The following GOLM2 variants were observed in gnomAD, a reference collection of about 807,000 sequenced individuals.
GOLM2 encodes golgi membrane protein 2.
A neutral mutation model predicts 55.9 loss-of-function variants in GOLM2; 26 were observed. The observed-to-expected ratio is 0.47, with a 90% confidence interval of 0.34 to 0.65. The LOEUF (loss-of-function observed/expected upper bound fraction) is 0.65. Among genes scored for constraint, GOLM2 ranks in the 30% least tolerant of loss-of-function variants. The pLI, the probability that GOLM2 is intolerant of heterozygous loss-of-function variation, is 0.01. For synonymous variants in GOLM2, 165 were observed against 194.6 expected (o/e 0.85, Z 1.27); for missense variants, 486 against 531.8 (o/e 0.91, Z 0.85).
intron 1 of GOLM2, among the ~76,000 whole-genome samples, chr15:44,318,481 G>A (rs900081878): frequency 6.6e-6 from 1 of 152,206 alleles, no homozygotes; most frequent in African/African-American, 2.4e-5. Flanking sequence ...GGCCGAGGTG[G>A]GTGGATCGCC....
intron 3 of GOLM2, among the ~76,000 whole-genome samples, 179 bp downstream of exon 3, chr15:44,328,966 T>C (rs1404953781): frequency 6.6e-6 from 1 of 152,254 alleles, no homozygotes; most frequent in Non-Finnish European, 1.5e-5. Flanking sequence ...CAGACTCTTT[T>C]ATTTTGATAA....
At chr15:44,340,383 C>A (rs907402080) in intron 6 of GOLM2, among the ~76,000 whole-genome samples, 1 of 152,074 alleles carries the variant, frequency 6.6e-6, no homozygotes. Context: ...ATCCTCCCAC[C>A]TCAGCCTTCT....
chr15:44,364,916 G>A (rs1040997853), intron 6 of GOLM2, among the ~76,000 whole-genome samples: 1 of 152,124 alleles, frequency 6.6e-6, no homozygotes, highest in Non-Finnish European at 1.5e-5. Flanking sequence ...TGGAACAAAA[G>A]CAATTTTTAT....
At chr15:44,394,186 C>T (rs1389340189) in intron 8 of GOLM2, among the ~76,000 whole-genome samples, 1 of 152,164 alleles carries the variant, frequency 6.6e-6, no homozygotes, top group Non-Finnish European at 1.5e-5. Flanking sequence ...ATTTATAAAG[C>T]AGAATATTTC....
chr15:44,305,111 C>T (rs575473343), intron 1 of GOLM2, among the ~76,000 whole-genome samples: 7 of 152,254 alleles, frequency 4.6e-5, no homozygotes, highest in African/African-American at 1.7e-4. Flanking sequence ...GGTGATCCTC[C>T]TATCTCAGCC....
chr15:44,343,506 G>A lies in GOLM2; in HGVS notation c.802+5189G>A, dbSNP rs1388506462. ...TGGTGTCCTATTAGCTATAGAGGCA[G>A]TAACCCCAAAGAGGAAGCAGAGAAA... On this transcript the variant is annotated intron_variant, in intron 6 of 9. Transcript: ENST00000299957. 2.0e-5 allele frequency among the ~76,000 whole-genome samples: 3 copies of A among 151,906 alleles called. No homozygotes were observed. The South Asian group carries it at 6.2e-4, about 32-fold the overall frequency.
chr15:44,406,968 G>A (rs1022097428), intron 9 of GOLM2: 1 of 151,290 alleles, frequency 6.6e-6, no homozygotes, highest in Non-Finnish European at 1.5e-5. Flanking sequence ...AATCATTGGG[G>A]TCAGCACTAC....
intron 2 of GOLM2, among the ~76,000 whole-genome samples, chr15:44,324,416 G>A (rs983166396): frequency 2.6e-5 from 4 of 152,108 alleles, no homozygotes; most frequent in African/African-American, 9.7e-5. Context: ...TTTTGGTTTT[G>A]AAGCTTGGGC....
At chr15:44,350,825 A>G (rs954363489) in intron 6 of GOLM2, among the ~76,000 whole-genome samples, 3 of 152,232 alleles carry the variant, frequency 2.0e-5, no homozygotes, top group Non-Finnish European at 4.4e-5. Context: ...TTCAGTATAC[A>G]TGACTCAATT....
chr15:44,373,607 A>G (rs2079344737), intron 6 of GOLM2, among the ~76,000 whole-genome samples: 1 of 151,074 alleles, frequency 6.6e-6, no homozygotes, highest in African/African-American at 2.4e-5. Context: ...TACAAAAATT[A>G]GCCGGGCGCG....
chr15:44,310,478 A>C (rs1017785291), intron 1 of GOLM2, among the ~76,000 whole-genome samples: 1 of 137,288 alleles, frequency 7.3e-6, no homozygotes, highest in African/African-American at 2.8e-5. Flanking sequence ...ATGTATATAT[A>C]TATATATATA....
At chr15:44,366,313 A>C (rs889405370) in intron 6 of GOLM2, among the ~76,000 whole-genome samples, 2 of 151,438 alleles carry the variant, frequency 1.3e-5, no homozygotes, top group Non-Finnish European at 2.9e-5. Flanking sequence ...AAAAAAAAAA[A>C]ACAAAACAAA....
intron 8 of GOLM2, among the ~76,000 whole-genome samples, chr15:44,386,977 C>A (rs1241036493): frequency 6.6e-6 from 1 of 152,018 alleles, no homozygotes; most frequent in African/African-American, 2.4e-5. Flanking sequence ...GAGTTTGATA[C>A]CAGCCTGGGC....
In GOLM2 at chr15:44,335,250, G is replaced by A. The variant is rs1167764867; in HGVS notation, c.577-2513G>A. ...TTTAACATTAGGGAAAACTGAGTAA[G>A]GGGTGATTACTTTTCTGTAAATCTA... On this transcript the variant is annotated intron_variant, in intron 4 of 9. Coordinates refer to ENST00000299957, the MANE Select transcript of GOLM2 (RefSeq NM_138423.4). Among the ~76,000 whole-genome samples, 6 of 152,070 alleles carry A rather than the reference G, an allele frequency of 3.9e-5. No individual in the cohort carries two copies. In the East Asian group the frequency reaches 1.2e-3, roughly 29 times the overall value.
At chr15:44,373,274 G>T (rs1270614124) in intron 6 of GOLM2, among the ~76,000 whole-genome samples, 1 of 151,794 alleles carries the variant, frequency 6.6e-6, no homozygotes, top group African/African-American at 2.4e-5. Flanking sequence ...TGGCTAACAC[G>T]GTGAAACCCC....
At chr15:44,373,111 T>A (rs1010734350) in intron 6 of GOLM2, among the ~76,000 whole-genome samples, 6 of 152,246 alleles carry the variant, frequency 3.9e-5, no homozygotes, top group Admixed American at 2.0e-4. Context: ...GTAAGCTTCA[T>A]AGGACAATAA....
At chr15:44,291,812 C>G (rs1229234298) in intron 1 of GOLM2, among the ~76,000 whole-genome samples, 1 of 152,106 alleles carries the variant, frequency 6.6e-6, no homozygotes, top group African/African-American at 2.4e-5. Flanking sequence ...AACAGAATAC[C>G]CTTCTTGTAA....
intron 9 of GOLM2, among the ~76,000 whole-genome samples, chr15:44,403,742 A>G (rs1458426090): frequency 6.6e-6 from 1 of 152,172 alleles, no homozygotes; most frequent in Admixed American, 6.6e-5. Context: ...TTTCAGGTAC[A>G]AATATTGCCC....
intron 6 of GOLM2, among the ~76,000 whole-genome samples, chr15:44,347,651 A>T (rs1481412038): frequency 6.6e-6 from 1 of 152,136 alleles, no homozygotes; most frequent in East Asian, 1.9e-4. Context: ...ACCCCCAGGC[A>T]AGTACTAGAG....
Sources: gnomAD v4.1 joint callset for allele counts (sites outside exome capture counted in the v4.1 genomes callset) on GRCh38, gnomAD v4.1.1 for gene constraint, MANE v1.5 for transcripts, NCBI Gene and HGNC (gene_info 2026-07-23, HGNC 2026-07-21) for gene names.